SCUBE1: variants seen among roughly 807,000 people sequenced by gnomAD.
The protein encoded by SCUBE1 is signal peptide, CUB and EGF-like domain-containing protein 1.
SCUBE1 carries 59 observed loss-of-function variants against 124.4 expected under a neutral mutation model. That is an observed-to-expected ratio of 0.47 (90% CI 0.38 to 0.59). The LOEUF is 0.59. Among genes scored for constraint, SCUBE1 ranks in the 20% least tolerant of loss-of-function variants. The pLI is 0.00. For synonymous variants in SCUBE1, 545 were observed against 550.9 expected (o/e 0.99, Z 0.15); for missense variants, 1,150 against 1,371.2 (o/e 0.84, Z 2.55).
chr22:43,231,627 C>A, intron 8 of SCUBE1, 126 bp downstream of exon 8: 6 of 1,180,964 alleles, frequency 5.1e-6, no homozygotes, highest in Non-Finnish European at 7.1e-6. Flanking sequence ...CGTAAAGGAC[C>A]CCATTCCCTC....
chr22:43,280,468 TCCCG>T lies in SCUBE1; in HGVS notation c.484+10574_484+10577del, dbSNP rs1569009417. 9.1e-4 allele frequency among the ~76,000 whole-genome samples: 30 copies of T among 32,838 alleles called. 2 individuals are homozygous for T. Among genetic ancestry groups the T allele is most frequent in the African/African-American group, 6.4e-3 (25 of 3,934 alleles). The allele number at this position is 32,838 out of a possible 152,430, so 21.5% of individuals were successfully genotyped here. A position where few individuals can be genotyped will look rare whatever the true frequency, so the allele number is the denominator to read the frequency against. On this transcript the variant is annotated intron_variant, in intron 4 of 21. Coordinates refer to ENST00000360835, the MANE Select transcript of SCUBE1 (RefSeq NM_173050.5). ...CCCTGTCCCTTCCCCTCACCCATCCTCCCGTCCCTTCCCCTCACCCATCCCCGTC... is the reference window on the plus strand; with the variant it reads ...CCCTGTCCCTTCCCCTCACCCATCCTTCCCTTCCCCTCACCCATCCCCGTC...
Position 43,234,026 on chromosome 22 carries a change from C to G in SCUBE1, c.845-2151G>C, listed in dbSNP as rs1569503220. ...GCAGGAGCCGGCTCTCAGCCAGCAC[C>G]ATCCGAACCCAAAGACGGGCCTGCT... On this transcript the variant is annotated intron_variant, in intron 7 of 21. Coordinates refer to ENST00000360835, the MANE Select transcript of SCUBE1 (RefSeq NM_173050.5). This position sits in a 1 kb window ranked among gnomAD's most constrained non-coding sequence, Gnocchi z 4.4. Among the ~76,000 whole-genome samples the G allele has an allele frequency of 3.3e-5, 5 of 152,032 alleles. 1 individual carries two copies.
In SCUBE1 at chr22:43,214,097, T is replaced by A. The variant is rs759050911; in HGVS notation, c.2046A>T (p.Glu682Asp). 7.5e-7 allele frequency: 1 copy of A among 1,339,158 alleles called. No individual in the cohort carries two copies. Among genetic ancestry groups the A allele is most frequent in the South Asian group, 1.2e-5 (1 of 85,214 alleles). The allele number at this position is 1,339,158 out of a possible 1,614,324, so 83.0% of individuals were successfully genotyped here. ...TTCTAGGCCCGCACTTGCCTCCACA[T>A]TCCGACACGTTGCGGGCACCAGGCA... ...LGLPGARNVS[E>D]CGGQCSPGFF... Residue 682 changes from glutamate to aspartate, a missense_variant, in exon 16 of 22, where the codon GAA becomes GAT. Coordinates refer to ENST00000360835, the MANE Select transcript of SCUBE1 (RefSeq NM_173050.5).
At chr22:43,313,355 C>T (rs771958361) in intron 3 of SCUBE1, among the ~76,000 whole-genome samples, 4 of 152,266 alleles carry the variant, frequency 2.6e-5, no homozygotes, top group East Asian at 3.9e-4. Context: ...ACTTGAGAGA[C>T]GTATTTTTCA....
At chr22:43,321,362 A>G (rs900925862) in intron 2 of SCUBE1, among the ~76,000 whole-genome samples, 2 of 152,162 alleles carry the variant, frequency 1.3e-5, no homozygotes, top group African/African-American at 2.4e-5. Flanking sequence ...TGGAGAGCAG[A>G]GCTACTCACA....
At chr22:43,311,445 G>C (rs1162883269) in intron 3 of SCUBE1, among the ~76,000 whole-genome samples, 1 of 145,060 alleles carries the variant, frequency 6.9e-6, no homozygotes, top group Non-Finnish European at 1.5e-5. Flanking sequence ...TTTTTGGACA[G>C]AGTCTCACTC....
chr22:43,330,968 G>T (rs937403752), intron 2 of SCUBE1, among the ~76,000 whole-genome samples: 1 of 152,064 alleles, frequency 6.6e-6, no homozygotes, highest in Non-Finnish European at 1.5e-5. Context: ...GCCTCCCACC[G>T]CCTACTGCCT....
rs1230288213 is a variant in SCUBE1 at position 43,238,334 on chromosome 22, C to T, written c.844+504G>A. On this transcript the variant is annotated intron_variant, in intron 7 of 21. Coordinates refer to ENST00000360835, the MANE Select transcript of SCUBE1 (RefSeq NM_173050.5). ...ATGGGATCCCCCTAGCCTCGCCCCC[C>T]TAGTAGTGACACACTGTCCTTATTT... 9.1e-5 allele frequency: 20 copies of T among 218,708 alleles called. No homozygotes were observed. The East Asian group carries it at 2.3e-3, about 25-fold the overall frequency. 13.5% of individuals were successfully genotyped at this position (218,708 alleles called of 1,614,324 possible). A position where few individuals can be genotyped will look rare whatever the true frequency, so the allele number is the denominator to read the frequency against.
At chr22:43,256,039 C>T (rs1293311867) in intron 6 of SCUBE1, among the ~76,000 whole-genome samples, 3 of 152,126 alleles carry the variant, frequency 2.0e-5, no homozygotes, top group Non-Finnish European at 2.9e-5. Flanking sequence ...CCACAAGGTC[C>T]GGTGATGGAT....
intron 1 of SCUBE1, among the ~76,000 whole-genome samples, chr22:43,342,647 C>T (rs1265181629): frequency 2.0e-5 from 3 of 151,978 alleles, no homozygotes; most frequent in Non-Finnish European, 2.9e-5. Context: ...TGCGGGCCTC[C>T]TCTCTACCCT....
At chr22:43,290,957 G>A in intron 4 of SCUBE1, 89 bp downstream of exon 4, 10 of 1,402,044 alleles carry the variant, frequency 7.1e-6, no homozygotes, top group Non-Finnish European at 9.5e-6. Flanking sequence ...TTGACCTTGA[G>A]GGCCCCAGAA....
At position 43,258,008 on chromosome 22, in the gene SCUBE1, G is replaced by C. The variant is rs754239175; in HGVS notation, c.727+211C>G. Among the ~76,000 whole-genome samples the C allele has an allele frequency of 3.3e-5, 5 of 152,160 alleles. No individual in the cohort carries two copies. Among genetic ancestry groups the C allele is most frequent in the African/African-American group, 9.7e-5 (4 of 41,408 alleles). On this transcript the variant is annotated intron_variant, in intron 6 of 21. Coordinates refer to ENST00000360835, the MANE Select transcript of SCUBE1 (RefSeq NM_173050.5). The surrounding 1 kb of genome is among the most constrained non-coding windows in gnomAD (Gnocchi z 5.0). ...CACAAAGCAGAAAAGCCTGGTCTTG[G>C]GGGGCTGCAGGCCCCAGAGAAGCCT...
chr22:43,336,863 G>A (rs1927097941), intron 2 of SCUBE1, among the ~76,000 whole-genome samples: 1 of 152,148 alleles, frequency 6.6e-6, no homozygotes, highest in Non-Finnish European at 1.5e-5. Context: ...CAGAAAGAAG[G>A]TAAGGAGCTC....
chr22:43,268,261 T>A (rs184088457), intron 4 of SCUBE1, among the ~76,000 whole-genome samples: 26 of 152,346 alleles, frequency 1.7e-4, no homozygotes, highest in Admixed American at 1.3e-3. Context: ...CTCCCGGATT[T>A]GTGTCACGTC....
At chr22:43,223,009 C>A (rs888730261) in intron 11 of SCUBE1, 88 bp downstream of exon 11, 1 of 1,470,192 alleles carries the variant, frequency 6.8e-7, no homozygotes, top group African/African-American at 1.4e-5. Flanking sequence ...CAGACTCTTT[C>A]CTGGAGGACA....
Position 43,227,513 on chromosome 22 carries a change from C to A in SCUBE1, c.1085-17G>T. 6.2e-7 allele frequency: 1 copy of A among 1,609,036 alleles called. No homozygotes were observed. The highest frequency in any genetic ancestry group is 8.5e-7 in the Non-Finnish European group (1 of 1,178,668). ...CGTCCACATCTGGAAGCACAGCGGG[C>A]GTAAGGGCAGAGGGGAGGCTGGCGG... On this transcript the variant is annotated splice_polypyrimidine_tract_variant and intron_variant, in intron 9 of 21. Coordinates refer to ENST00000360835, the MANE Select transcript of SCUBE1 (RefSeq NM_173050.5).
intron 3 of SCUBE1, among the ~76,000 whole-genome samples, chr22:43,308,458 G>C (rs1051089372): frequency 6.6e-6 from 1 of 152,222 alleles, no homozygotes; most frequent in African/African-American, 2.4e-5. Context: ...TTTACATTAA[G>C]ATGATCAGCA....
rs570659168 is a variant in SCUBE1, at chr22:43,198,800, C to T, written c.*5197G>A. 2 of 437,566 alleles carry T rather than the reference C, an allele frequency of 4.6e-6. No homozygotes were observed. Among genetic ancestry groups the T allele is most frequent in the African/African-American group, 4.0e-5 (2 of 49,948 alleles). The allele number at this position is 437,566 out of a possible 1,614,324, so 27.1% of individuals were successfully genotyped here. On this transcript the variant is annotated 3_prime_UTR_variant, in exon 22 of 22. Coordinates refer to ENST00000360835, the MANE Select transcript of SCUBE1 (RefSeq NM_173050.5). Reference sequence around the variant, plus strand: ...GGCAAGGTGAGCAGGCTGTCCAGGGCAGCTTGTCTGCTGTCTGGGGCAGGG... The same window carrying T: ...GGCAAGGTGAGCAGGCTGTCCAGGGTAGCTTGTCTGCTGTCTGGGGCAGGG...
rs916803499 is a variant in SCUBE1 at position 43,337,454 on chromosome 22, C to T, written c.220+1650G>A. Among the ~76,000 whole-genome samples the T allele has an allele frequency of 5.9e-5, 9 of 152,278 alleles. 1 individual carries two copies. Among genetic ancestry groups the T allele is most frequent in the East Asian group, 1.9e-4 (1 of 5,174 alleles). Reference sequence around the variant, plus strand: ...GAAGGCAGAGTAGAGGGTCAGAAAGCGGTCACACCAGCCTCACATGTACCA... The same window carrying T: ...GAAGGCAGAGTAGAGGGTCAGAAAGTGGTCACACCAGCCTCACATGTACCA... On this transcript the variant is annotated intron_variant, in intron 2 of 21. Transcript: ENST00000360835.
Sources: gnomAD v4.1 joint callset for allele counts (sites outside exome capture counted in the v4.1 genomes callset) on GRCh38, gnomAD v4.1.1 for gene constraint, Gnocchi (gnomAD v3.1) non-coding constraint, MANE v1.5 for transcripts, NCBI Gene and HGNC (gene_info 2026-07-23, HGNC 2026-07-21) for gene names.